PCSK5: variants seen among roughly 807,000 people sequenced by gnomAD.
PCSK5 encodes prohormone convertase 5.
A neutral mutation model predicts 233.2 loss-of-function variants in PCSK5; 129 were observed. The ratio of observed to expected loss-of-function variants is 0.55; its 90% confidence interval spans 0.48 to 0.64. PCSK5 has a LOEUF of 0.64. Ranked by LOEUF, PCSK5 falls within the 30% of genes least tolerant of loss-of-function variation. The probability of loss-of-function intolerance (pLI) is 0.00; values close to 1 mark genes in which losing one functional copy is unlikely to be tolerated. For missense variants in PCSK5, 2,076 were observed against 2,430.1 expected, an observed-to-expected ratio of 0.85 and a Z score of 3.06; for synonymous variants, 825 against 879.2, an observed-to-expected ratio of 0.94 and a Z score of 1.09.
rs369607354 is a variant in PCSK5, at chr9:76,337,630, T to C, written c.4749-600T>C. 2.6e-5 allele frequency among the ~76,000 whole-genome samples: 4 copies of C among 152,204 alleles called. No individual in the cohort carries two copies. The East Asian group carries it at 5.8e-4, about 22-fold the overall frequency. On this transcript the variant is annotated intron_variant, in intron 34 of 37. Coordinates refer to ENST00000674117, the MANE Select transcript of PCSK5 (RefSeq NM_001372043.1). Reference sequence around the variant, plus strand: ...CTGGGATTACAGGCACATGCTACCATGTCTGGCTAATTTTTGTATTTTTAG... The same window carrying C: ...CTGGGATTACAGGCACATGCTACCACGTCTGGCTAATTTTTGTATTTTTAG...
intron 20 of PCSK5, among the ~76,000 whole-genome samples, chr9:76,215,768 A>G (rs1359992319): frequency 6.6e-6 from 1 of 152,016 alleles, no homozygotes; most frequent in Non-Finnish European, 1.5e-5. Flanking sequence ...GGTGAAACCC[A>G]GTCTCTACCA....
chr9:76,337,674 A>C (rs1395663071), intron 34 of PCSK5, among the ~76,000 whole-genome samples: 2 of 150,984 alleles, frequency 1.3e-5, no homozygotes, highest in Non-Finnish European at 2.9e-5. Context: ...GGGTTTCACC[A>C]TGTTGGCCAG....
chr9:76,091,366 A>G (rs1571792), intron 7 of PCSK5, among the ~76,000 whole-genome samples: 68,405 of 151,640 alleles, frequency 0.45, 15,789 homozygotes, highest in Non-Finnish European at 0.5. Context: ...GAGCTCTGTT[A>G]TCTCTTCCTC....
chr9:76,197,592 T>A (rs1328320879), intron 20 of PCSK5, among the ~76,000 whole-genome samples: 4 of 152,178 alleles, frequency 2.6e-5, no homozygotes, highest in Admixed American at 1.3e-4. Context: ...CTTAACAGCT[T>A]CCATATTATC....
chr9:76,238,615 C>A (rs1412576159), intron 22 of PCSK5, among the ~76,000 whole-genome samples: 1 of 152,144 alleles, frequency 6.6e-6, no homozygotes, highest in African/African-American at 2.4e-5. Context: ...TTCACAGATA[C>A]CAAAAGGAGC....
intron 7 of PCSK5, among the ~76,000 whole-genome samples, chr9:76,075,987 C>T (rs1051856909): frequency 6.6e-6 from 1 of 152,136 alleles, no homozygotes; most frequent in Non-Finnish European, 1.5e-5. Flanking sequence ...TATTTCAGCT[C>T]AGGGTAAGTG....
intron 3 of PCSK5, among the ~76,000 whole-genome samples, chr9:75,988,535 G>A (rs1826626466): frequency 6.6e-6 from 1 of 152,016 alleles, no homozygotes; most frequent in Non-Finnish European, 1.5e-5. Context: ...TCCCACGTTA[G>A]CCTCCTAAAT....
chr9:76,117,872 G>A (rs1018468375), intron 9 of PCSK5, among the ~76,000 whole-genome samples: 2 of 152,100 alleles, frequency 1.3e-5, no homozygotes, highest in East Asian at 1.9e-4. Context: ...ATAGGGAGGT[G>A]AGGTCTCTCA....
chr9:76,120,453 C>A (rs1426480500), intron 9 of PCSK5, among the ~76,000 whole-genome samples: 1 of 152,010 alleles, frequency 6.6e-6, no homozygotes, highest in Non-Finnish European at 1.5e-5. Flanking sequence ...TCAAAAAAAT[C>A]TTTCTACATT....
intron 12 of PCSK5, among the ~76,000 whole-genome samples, chr9:76,162,931 G>A (rs1822931212): frequency 1.3e-5 from 2 of 152,148 alleles, no homozygotes; most frequent in African/African-American, 4.8e-5. Context: ...CTGCTCCATG[G>A]CTTACTCACA....
chr9:75,975,456 T>G (rs1361621348), intron 2 of PCSK5, among the ~76,000 whole-genome samples: 3 of 152,152 alleles, frequency 2.0e-5, no homozygotes, highest in Non-Finnish European at 4.4e-5. Flanking sequence ...GTCCTCTGCT[T>G]GGAGAAATAA....
chr9:76,198,143 G>A (rs772225874), intron 20 of PCSK5, among the ~76,000 whole-genome samples: 9 of 152,080 alleles, frequency 5.9e-5, no homozygotes, highest in African/African-American at 1.4e-4. Flanking sequence ...ACTCCTTCCC[G>A]TTCTCTACCT....
rs1027597204 is a variant in PCSK5 at position 75,949,201 on chromosome 9, C to A, written c.297+16718C>A. 2.0e-5 allele frequency among the ~76,000 whole-genome samples: 3 copies of A among 151,558 alleles called. No homozygotes were observed. In the East Asian group the frequency reaches 5.8e-4, roughly 29 times the overall value. On this transcript the variant is annotated intron_variant, in intron 2 of 37. Transcript: ENST00000674117. Reference sequence around the variant, plus strand: ...GTTGCTTATCTGAAATTTAACTCAGCATCCTTTGTTATTATTTGGTAACCC... The same window carrying A: ...GTTGCTTATCTGAAATTTAACTCAGAATCCTTTGTTATTATTTGGTAACCC...
chr9:76,239,396 T>G (rs2007744), intron 23 of PCSK5, among the ~76,000 whole-genome samples: 124,195 of 152,160 alleles, frequency 0.82, 51,020 homozygotes, highest in East Asian at 0.99. Flanking sequence ...GGAATGCACT[T>G]AAGTGTATAG....
chr9:76,187,992 A>AAAG (rs1444508988), intron 17 of PCSK5, among the ~76,000 whole-genome samples: 2 of 152,210 alleles, frequency 1.3e-5, no homozygotes, highest in Non-Finnish European at 2.9e-5. Context: ...AATAGAGGCA[A>AAAG]AAGTATTTTA....
At chr9:75,983,162 T>C (rs572490580) in intron 2 of PCSK5, among the ~76,000 whole-genome samples, 38 of 152,324 alleles carry the variant, frequency 2.5e-4, no homozygotes, top group South Asian at 1.0e-3. Flanking sequence ...GTTTTAATTA[T>C]TATAATACTT....
chr9:76,076,608 C>A (rs1440806875), intron 7 of PCSK5, among the ~76,000 whole-genome samples: 1 of 152,154 alleles, frequency 6.6e-6, no homozygotes, highest in East Asian at 1.9e-4. Flanking sequence ...TGATTGCATC[C>A]ATTCTTTCTG....
chr9:76,223,036 A>T (rs561062549), intron 20 of PCSK5, among the ~76,000 whole-genome samples: 1 of 152,314 alleles, frequency 6.6e-6, no homozygotes, highest in East Asian at 1.9e-4. Flanking sequence ...TAGGCCTCAC[A>T]GGGAAGTCTA....
In PCSK5 at chr9:76,115,368, CAG is replaced by C. The variant is rs1350030888; in HGVS notation, c.1208+8021_1208+8022del. ...CCCATTTTAAAAAAGTAAAAGAAAA[CAG>C]AGAATATTATTTACATTATAAATTG... On this transcript the variant is annotated intron_variant, in intron 9 of 37. Coordinates refer to ENST00000674117, the MANE Select transcript of PCSK5 (RefSeq NM_001372043.1). Among the ~76,000 whole-genome samples the C allele has an allele frequency of 5.9e-5, 9 of 152,158 alleles. No homozygotes were observed. The South Asian group carries it at 1.9e-3, about 32-fold the overall frequency.
Sources: gnomAD v4.1 joint callset for allele counts (sites outside exome capture counted in the v4.1 genomes callset) on GRCh38, gnomAD v4.1.1 for gene constraint, MANE v1.5 for transcripts, NCBI Gene and HGNC (gene_info 2026-07-23, HGNC 2026-07-21) for gene names.